TLR6: variants seen among roughly 807,000 people sequenced by gnomAD.
The protein encoded by TLR6 is toll-like receptor 6.
A neutral mutation model predicts 16.1 loss-of-function variants in TLR6; 9 were observed. The ratio of observed to expected loss-of-function variants is 0.56; its 90% CI spans 0.34 to 0.98. TLR6 has a LOEUF of 0.98. Ranked by LOEUF, TLR6 falls within the 50% of genes least tolerant of loss-of-function variation. TLR6 has a pLI of 0.02. For synonymous variants in TLR6, 340 were observed against 338.6 expected (o/e 1.00, Z -0.04); for missense variants, 786 against 921.0 (o/e 0.85, Z 1.90).
chr4:38,858,833 A>G (rs375634882), upstream of TLR6, among the ~76,000 whole-genome samples: 508 of 17,320 alleles, frequency 0.029, 2 homozygotes, highest in South Asian at 0.048. Context: ...GAGAGAGAGG[A>G]AGAAAGAAAG....
chr4:38,851,894 G>T (rs1212573728), intron 1 of TLR6, among the ~76,000 whole-genome samples: 1 of 152,106 alleles, frequency 6.6e-6, no homozygotes, highest in Non-Finnish European at 1.5e-5. Context: ...AAGTTCATAT[G>T]GGGTCAAAAA....
chr4:38,829,421 A>C (rs768137791), exon 2 of TLR6: 1 of 1,613,910 alleles, frequency 6.2e-7, no homozygotes, highest in South Asian at 1.1e-5. Context: ...TATTATGATC[A>C]TAAGGCAAAC....
intron 1 of TLR6, among the ~76,000 whole-genome samples, chr4:38,842,983 A>G (rs1712354261): frequency 6.6e-6 from 1 of 152,350 alleles, no homozygotes; most frequent in East Asian, 1.9e-4. Flanking sequence ...GATTCAGCAC[A>G]TGATAATCTG....
chr4:38,867,648 C>G, the TLR6 span: 1 of 151,774 alleles, frequency 6.6e-6, no homozygotes, highest in Non-Finnish European at 1.5e-5. Context: ...ACTCGCCCAG[C>G]GCGGGCCCGG....
Position 38,840,633 on chromosome 4 carries a change from C to CA in TLR6, c.-64-11097dup, listed in dbSNP as rs377719537. Among the ~76,000 whole-genome samples the CA allele has an allele frequency of 4.0e-3, 426 of 107,188 alleles. 1 individual carries two copies. The highest frequency in any genetic ancestry group is 0.013 in the East Asian group (53 of 4,084). 70.3% of individuals were successfully genotyped at this position (107,188 alleles called of 152,430 possible). On this transcript the variant is annotated intron_variant, in intron 1 of 1. Coordinates refer to ENST00000436693, the Ensembl canonical transcript of TLR6. Reference sequence around the variant, plus strand: ...TGGGTGACAGGGCAAGACTCCCTCTCAAAAAAAAAAAAAAAAGAAGACACA... The same window carrying CA: ...TGGGTGACAGGGCAAGACTCCCTCTCAAAAAAAAAAAAAAAAAGAAGACACA...
intron 1 of TLR6, among the ~76,000 whole-genome samples, chr4:38,854,297 G>A (rs1005075718): frequency 6.6e-6 from 1 of 152,034 alleles, no homozygotes; most frequent in Non-Finnish European, 1.5e-5. Flanking sequence ...AGAAGGAGGG[G>A]CAGATTCTAT....
intron 1 of TLR6, among the ~76,000 whole-genome samples, chr4:38,846,784 G>C (rs902883998): frequency 3.3e-5 from 5 of 152,206 alleles, no homozygotes; most frequent in South Asian, 2.1e-4. Context: ...GAGGGAGAGA[G>C]TGCACTAAAA....
the TLR6 span, among the ~76,000 whole-genome samples, chr4:38,865,008 C>G: frequency 6.6e-6 from 1 of 152,038 alleles, no homozygotes; most frequent in Non-Finnish European, 1.5e-5. Context: ...AGACCTCATT[C>G]CTAAATAAGA....
intron 1 of TLR6, among the ~76,000 whole-genome samples, chr4:38,848,947 C>T (rs1288747622): frequency 6.6e-6 from 1 of 152,060 alleles, no homozygotes; most frequent in African/African-American, 2.4e-5. Context: ...AGATACTCCT[C>T]CAGAAGAGCA....
chr4:38,828,801 G>A (rs745501248), exon 2 of TLR6: 49 of 1,613,880 alleles, frequency 3.0e-5, no homozygotes, highest in Non-Finnish European at 4.1e-5. Flanking sequence ...ATATTAGTCA[G>A]TTGTAAGCAC....
chr4:38,839,390 T>C (rs1489135618), intron 1 of TLR6, among the ~76,000 whole-genome samples: 1 of 152,164 alleles, frequency 6.6e-6, no homozygotes, highest in Non-Finnish European at 1.5e-5. Flanking sequence ...TATTGAAAGT[T>C]AACTACGTGC....
At chr4:38,847,499 G>A (rs111306304) in intron 1 of TLR6, among the ~76,000 whole-genome samples, 31 of 79,760 alleles carry the variant, frequency 3.9e-4, no homozygotes, top group Admixed American at 7.4e-4. Context: ...TGCCTCACCC[G>A]GGAAGCACAA....
chr4:38,839,782 G>A (rs996150167), intron 1 of TLR6, among the ~76,000 whole-genome samples: 2 of 152,214 alleles, frequency 1.3e-5, no homozygotes, highest in Non-Finnish European at 2.9e-5. Flanking sequence ...TGAAAGGACT[G>A]TGTATGAACT....
At chr4:38,842,471 A>C (rs1712321676) in intron 1 of TLR6, among the ~76,000 whole-genome samples, 1 of 152,196 alleles carries the variant, frequency 6.6e-6, no homozygotes. Context: ...GCAGGCACAC[A>C]AGCCCACAGA....
At chr4:38,861,153 T>C (rs897690581), upstream of TLR6, among the ~76,000 whole-genome samples, 1 of 151,934 alleles carries the variant, frequency 6.6e-6, no homozygotes, top group East Asian at 1.9e-4. Context: ...CCCCTTCTCA[T>C]TGCAGTCATC....
the TLR6 span, chr4:38,868,072 AGT>A: frequency 4.9e-6 from 2 of 405,842 alleles, no homozygotes; most frequent in Non-Finnish European, 1.0e-5. Context: ...TGTGTGTGTG[AGT>A]GTGTGTCGCT....
At chr4:38,829,919 AG>A (rs1389766033) in intron 1 of TLR6, among the ~76,000 whole-genome samples, 1 of 152,234 alleles carries the variant, frequency 6.6e-6, no homozygotes, top group Non-Finnish European at 1.5e-5. Flanking sequence ...GGGCTAACAG[AG>A]GGGGCAAGCA....
At chr4:38,862,992 C>T in the TLR6 span, among the ~76,000 whole-genome samples, 11 of 149,818 alleles carry the variant, frequency 7.3e-5, no homozygotes, top group Non-Finnish European at 1.3e-4. Context: ...CCTTGCTCCT[C>T]TATATACCAG....
intron 1 of TLR6, among the ~76,000 whole-genome samples, chr4:38,853,031 C>A (rs916097692): frequency 6.7e-6 from 1 of 148,862 alleles, no homozygotes; most frequent in African/African-American, 2.5e-5. Flanking sequence ...CACATATACA[C>A]CATGGAATAC....
Sources: allele counts gnomAD v4.1 joint callset (sites outside exome capture counted in the v4.1 genomes callset), GRCh38; gene constraint gnomAD v4.1.1; transcripts MANE v1.5; gene names NCBI Gene and HGNC (gene_info 2026-07-23, HGNC 2026-07-21).